The following ZFHX3 variants were observed in gnomAD, a reference collection of about 807,000 sequenced individuals.
The protein encoded by ZFHX3 is zinc finger homeobox protein 3.
A neutral mutation model predicts 279.1 loss-of-function variants in ZFHX3; 42 were observed. The observed-to-expected ratio is 0.15, with a 90% CI of 0.12 to 0.19. The LOEUF is 0.19. Among genes scored for constraint, ZFHX3 ranks in the 10% least tolerant of loss-of-function variants. The pLI is 1.00. For synonymous variants in ZFHX3, 2,293 were observed against 1,957.8 expected (o/e 1.17, Z -4.52); for missense variants, 4,981 against 4,754.0 (o/e 1.05, Z -1.40).
At chr16:73,373,100 G>A (rs1480653113) in intron 3 of ZFHX3, among the ~76,000 whole-genome samples, 2 of 150,648 alleles carry the variant, frequency 1.3e-5, no homozygotes, top group Admixed American at 6.6e-5. Flanking sequence ...AGAGACACCT[G>A]GGCCTGGGGA....
intron 1 of ZFHX3, among the ~76,000 whole-genome samples, chr16:73,825,972 A>T (rs1284768797): frequency 2.1e-5 from 1 of 47,450 alleles, no homozygotes; most frequent in Non-Finnish European, 3.4e-5. Flanking sequence ...GATGGCATTG[A>T]ATCTGTAAAT....
At chr16:73,319,360 A>T (rs2015525063) in intron 3 of ZFHX3, among the ~76,000 whole-genome samples, 1 of 151,790 alleles carries the variant, frequency 6.6e-6, no homozygotes, top group South Asian at 2.1e-4. Context: ...ACGTGGTTGG[A>T]ATTGGAACCA....
intron 2 of ZFHX3, among the ~76,000 whole-genome samples, chr16:73,674,213 CG>C (rs1422580470): frequency 6.6e-6 from 1 of 151,800 alleles, no homozygotes; most frequent in Non-Finnish European, 1.5e-5. Context: ...GTAAAATAGA[CG>C]TCACTATAAA....
intron 2 of ZFHX3, among the ~76,000 whole-genome samples, chr16:73,472,016 C>G (rs1330762349): frequency 1.3e-5 from 2 of 152,140 alleles, no homozygotes; most frequent in African/African-American, 4.8e-5. Flanking sequence ...CTCTTCCTCC[C>G]CACGGACTCA....
At chr16:73,300,769 G>C (rs2015037199) in intron 4 of ZFHX3, among the ~76,000 whole-genome samples, 1 of 152,210 alleles carries the variant, frequency 6.6e-6, no homozygotes, top group Non-Finnish European at 1.5e-5. Context: ...CTCCCAAAGT[G>C]TTGGGATTAC....
chr16:72,910,543 A>G (rs563386224), intron 3 of ZFHX3, among the ~76,000 whole-genome samples: 2 of 152,302 alleles, frequency 1.3e-5, no homozygotes, highest in East Asian at 3.9e-4. Context: ...TGGCCATTAC[A>G]CAGCTCAAAT....
At chr16:73,513,389 C>T (rs547587599) in intron 2 of ZFHX3, among the ~76,000 whole-genome samples, 90 of 152,298 alleles carry the variant, frequency 5.9e-4, no homozygotes, top group African/African-American at 1.9e-3. Flanking sequence ...GCCAGATCCT[C>T]ATGTTGACTG....
At chr16:73,196,494 G>T (rs1448952637) in intron 5 of ZFHX3, among the ~76,000 whole-genome samples, 1 of 151,832 alleles carries the variant, frequency 6.6e-6, no homozygotes, top group Non-Finnish European at 1.5e-5. Flanking sequence ...TCTGAACTGG[G>T]GCTTGAAAAC....
At chr16:73,042,525 A>C (rs945060132) in intron 1 of ZFHX3, among the ~76,000 whole-genome samples, 2 of 151,650 alleles carry the variant, frequency 1.3e-5, no homozygotes, top group East Asian at 1.9e-4. Context: ...CCTACACATG[A>C]CCCCTCCAGT....
chr16:72,912,128 G>C (rs77457000), intron 3 of ZFHX3, among the ~76,000 whole-genome samples: 297 of 152,348 alleles, frequency 1.9e-3, no homozygotes, highest in African/African-American at 6.9e-3. Flanking sequence ...TACCCAGCAT[G>C]GCCATGCAGC....
At chr16:73,863,317 T>A (rs1961930493) in intron 1 of ZFHX3, among the ~76,000 whole-genome samples, 1 of 152,100 alleles carries the variant, frequency 6.6e-6, no homozygotes, top group African/African-American at 2.4e-5. Context: ...AAGAGTAGGA[T>A]CATGAACAAT....
chr16:73,158,399 TTTTC>T (rs1967148925), intron 5 of ZFHX3, among the ~76,000 whole-genome samples: 2 of 152,204 alleles, frequency 1.3e-5, no homozygotes, highest in Admixed American at 6.5e-5. Context: ...AGTCCTTTTC[TTTTC>T]TTTCCTTTTC....
chr16:73,191,298 TC>T (rs780308053), intron 5 of ZFHX3, among the ~76,000 whole-genome samples: 1 of 151,624 alleles, frequency 6.6e-6, no homozygotes, highest in Non-Finnish European at 1.5e-5. Flanking sequence ...GTTCCGTGGC[TC>T]CCCCCGGCCG....
chr16:73,684,375 C>T (rs904511680), intron 1 of ZFHX3, among the ~76,000 whole-genome samples: 5 of 151,656 alleles, frequency 3.3e-5, no homozygotes, highest in Middle Eastern at 3.4e-3. Context: ...ATGACATGAA[C>T]TTTAGGAGCG....
At chr16:73,329,314 G>A (rs553596497) in intron 3 of ZFHX3, among the ~76,000 whole-genome samples, 20 of 152,314 alleles carry the variant, frequency 1.3e-4, no homozygotes, top group South Asian at 4.1e-4. Flanking sequence ...GGCAGTGGGC[G>A]GTGTTGAGGA....
chr16:73,674,650 A>G (rs2052936014), intron 2 of ZFHX3, among the ~76,000 whole-genome samples: 1 of 152,102 alleles, frequency 6.6e-6, no homozygotes, highest in South Asian at 2.1e-4. Context: ...CTCTTTCTCT[A>G]CCTCTTGAAT....
Position 73,282,858 on chromosome 16 carries a change from T to A in ZFHX3, c.-1193-25722A>T, listed in dbSNP as rs565179561. Reference sequence around the variant, plus strand: ...TCCTTGGCTTATGTTTTCTTCCAGATTAAGTCCTTCATTTGTCATTTTTGT... The same window carrying A: ...TCCTTGGCTTATGTTTTCTTCCAGAATAAGTCCTTCATTTGTCATTTTTGT... On this transcript the variant is annotated intron_variant, in intron 4 of 17. Transcript: ENST00000641206. 2.6e-5 allele frequency among the ~76,000 whole-genome samples: 4 copies of A among 152,358 alleles called. No homozygotes were observed. The South Asian group carries it at 8.3e-4, about 32-fold the overall frequency.
chr16:73,259,760 A>G (rs965505388), intron 4 of ZFHX3, among the ~76,000 whole-genome samples: 1 of 152,256 alleles, frequency 6.6e-6, no homozygotes, highest in Non-Finnish European at 1.5e-5. Flanking sequence ...TTAACATTTT[A>G]ATCACATTTG....
In ZFHX3 at chr16:72,889,723, C is replaced by G. The variant is rs374786324; in HGVS notation, c.3448+8G>C. The G allele has an allele frequency of 2.9e-5, 46 of 1,611,112 alleles. No homozygotes were observed. In the African/African-American group the frequency reaches 4.9e-4, roughly 17 times the overall value. On this transcript the variant is annotated splice_region_variant and intron_variant, in intron 4 of 9. Coordinates refer to ENST00000268489, the MANE Select transcript of ZFHX3 (RefSeq NM_006885.4). ...ACCTGGGCCTCCCATGCCTGTGAGA[C>G]CACTCACCTGGGTCCGTGGAGGGGC...
Sources: gnomAD v4.1 joint callset for allele counts (sites outside exome capture counted in the v4.1 genomes callset) on GRCh38, gnomAD v4.1.1 for gene constraint, MANE v1.5 for transcripts, NCBI Gene and HGNC (gene_info 2026-07-23, HGNC 2026-07-21) for gene names.